Variants in FNBP1L observed in about 807,000 individuals in gnomAD.
FNBP1L encodes formin-binding protein 1-like.
A neutral mutation model predicts 91.2 loss-of-function variants in FNBP1L; 36 were observed. The observed-to-expected ratio is 0.39, with a 90% CI of 0.30 to 0.52. The LOEUF (loss-of-function observed/expected upper bound fraction) is 0.52, where lower values mean the gene tolerates loss of function less well. FNBP1L is among the 20% of genes least tolerant of loss of function. The pLI is 0.66. For synonymous variants in FNBP1L, 242 were observed against 237.0 expected, an observed-to-expected ratio of 1.02 and a Z score of -0.19; for missense variants, 571 against 732.1, an observed-to-expected ratio of 0.78 and a Z score of 2.54.
chr1:93,451,899 C>T (rs1668509064), intron 1 of FNBP1L, among the ~76,000 whole-genome samples: 1 of 152,184 alleles, frequency 6.6e-6, no homozygotes, highest in Non-Finnish European at 1.5e-5. Flanking sequence ...ATCCGCCCGC[C>T]TCGGCCTCTC....
rs778295707 is a variant in FNBP1L at position 93,463,100 on chromosome 1, GTT to G, written c.24+14797_24+14798del. Reference sequence around the variant, plus strand: ...GCTCAGATTATTTCAGCTTTTGACTGTTTGAGCTCTTTCGGTTGGCTTTTGTG... The same window carrying G: ...GCTCAGATTATTTCAGCTTTTGACTGTGAGCTCTTTCGGTTGGCTTTTGTG... On this transcript the variant is annotated intron_variant, in intron 1 of 16. Transcript: ENST00000271234. Among the ~76,000 whole-genome samples the G allele has an allele frequency of 2.0e-4, 30 of 152,178 alleles. 1 individual carries two copies. The East Asian group carries it at 3.3e-3, about 17-fold the overall frequency.
chr1:93,490,688 T>C (rs1387118369), intron 1 of FNBP1L, among the ~76,000 whole-genome samples: 1 of 152,158 alleles, frequency 6.6e-6, no homozygotes, highest in Admixed American at 6.5e-5. Context: ...GTAGAGAGAA[T>C]AGGGAAGTGA....
At chr1:93,549,449 G>T (rs1672337732) in intron 15 of FNBP1L, 23 bp downstream of exon 15, 3 of 1,513,030 alleles carry the variant, frequency 2.0e-6, no homozygotes, top group South Asian at 1.3e-5. Context: ...TAATAATATT[G>T]TATGTAAAAA....
chr1:93,512,131 G>C lies in FNBP1L; in HGVS notation c.141-9951G>C, dbSNP rs532459665. Among the ~76,000 whole-genome samples, 127 of 152,224 alleles carry C rather than the reference G, an allele frequency of 8.3e-4. 1 individual carries two copies. The highest frequency in any genetic ancestry group is 2.4e-3 in the African/African-American group (99 of 41,526). ...GGCAGGGGTTGCAATCCTAGTCTCTGATAAGACAGACTTTAAACCAACAAA... is the reference window on the plus strand; with the variant it reads ...GGCAGGGGTTGCAATCCTAGTCTCTCATAAGACAGACTTTAAACCAACAAA... On this transcript the variant is annotated intron_variant, in intron 2 of 16. Coordinates refer to ENST00000271234, the MANE Select transcript of FNBP1L (RefSeq NM_001164473.3).
chr1:93,505,573 T>C (rs1469497155), intron 2 of FNBP1L, among the ~76,000 whole-genome samples: 1 of 152,214 alleles, frequency 6.6e-6, no homozygotes, highest in Non-Finnish European at 1.5e-5. Flanking sequence ...TGGACCAGTA[T>C]AAGCACGCTA....
At chr1:93,476,411 A>G (rs1669496583) in intron 1 of FNBP1L, among the ~76,000 whole-genome samples, 2 of 152,234 alleles carry the variant, frequency 1.3e-5, no homozygotes, top group African/African-American at 4.8e-5. Context: ...CACTCAACAC[A>G]GTGCTTGGCA....
intron 2 of FNBP1L, among the ~76,000 whole-genome samples, chr1:93,509,417 C>T (rs566931674): frequency 3.9e-5 from 6 of 152,276 alleles, no homozygotes; most frequent in South Asian, 4.1e-4. Flanking sequence ...TTGGCCACGT[C>T]GTTCTACCAA....
At chr1:93,448,446 T>C (rs1668345760) in intron 1 of FNBP1L, 141 bp downstream of exon 1, 1 of 936,030 alleles carries the variant, frequency 1.1e-6, no homozygotes, top group Non-Finnish European at 1.5e-6. Context: ...GTCCCGCTCG[T>C]CTTTGTGTGC....
At chr1:93,506,997 C>G (rs532046791) in intron 2 of FNBP1L, among the ~76,000 whole-genome samples, 23 of 148,738 alleles carry the variant, frequency 1.5e-4, no homozygotes, top group Non-Finnish European at 2.8e-4. Flanking sequence ...ACTGAAGGAA[C>G]AACATTAATT....
chr1:93,510,331 C>T (rs1287045420), intron 2 of FNBP1L, among the ~76,000 whole-genome samples: 2 of 152,062 alleles, frequency 1.3e-5, no homozygotes, highest in African/African-American at 4.8e-5. Context: ...CTGGGAGGCA[C>T]CCCCCAGCAG....
intron 12 of FNBP1L, among the ~76,000 whole-genome samples, 158 bp from the exon 13 acceptor site, chr1:93,546,684 T>C (rs2101773963): frequency 6.6e-6 from 1 of 152,284 alleles, no homozygotes; most frequent in Non-Finnish European, 1.5e-5. Context: ...ATCACCTTTA[T>C]GCAAATTGTC....
At chr1:93,537,393 T>A (rs552065957) in intron 10 of FNBP1L, among the ~76,000 whole-genome samples, 1 of 152,098 alleles carries the variant, frequency 6.6e-6, no homozygotes, top group Non-Finnish European at 1.5e-5. Context: ...TCTCCTCTTT[T>A]CTCTCTTCTT....
Position 93,534,783 on chromosome 1 carries a change from C to CAT in FNBP1L, c.873_874dup (p.Arg292IlefsTer25). ...CTTTCCATTTGAAGATTACAGTCAA[C>CAT]ATATATATAGAACCATTTCTGATGG... On this transcript the variant is annotated frameshift_variant, in exon 9 of 17. Coordinates refer to ENST00000271234, the MANE Select transcript of FNBP1L (RefSeq NM_001164473.3). LOFTEE classifies it high-confidence loss of function. 2.5e-6 allele frequency: 4 copies of CAT among 1,570,696 alleles called. No homozygotes were observed. The highest frequency in any genetic ancestry group is 3.5e-6 in the Non-Finnish European group (4 of 1,156,118).
intron 2 of FNBP1L, among the ~76,000 whole-genome samples, chr1:93,510,541 AG>A (rs951703982): frequency 7.4e-4 from 112 of 152,328 alleles, no homozygotes; most frequent in African/African-American, 2.5e-3. Context: ...AACTCTAAAA[AG>A]CAGAGCGCCT....
At position 93,530,824 on chromosome 1, in the gene FNBP1L, C is replaced by G; in HGVS notation, c.580C>G (p.Gln194Glu). 6.4e-7 allele frequency: 1 copy of G among 1,567,414 alleles called. No homozygotes were observed. The highest frequency in any genetic ancestry group is 8.7e-7 in the Non-Finnish European group (1 of 1,154,060). The change falls in exon 7 of 17, where the codon CAA (glutamine) becomes GAA (glutamate). Residue 194 changes from glutamine (Q) to glutamate (E), a missense_variant. Gln to Glu is a conservative substitution (Grantham distance 29, BLOSUM62 2). Coordinates refer to ENST00000271234, the MANE Select transcript of FNBP1L (RefSeq NM_001164473.3). ...ENKNEYAAQLQNFNGEQHKHF... is the reference protein window; with the variant it reads ...ENKNEYAAQLENFNGEQHKHF... ...TAAAAATGAATATGCTGCACAATTA[C>G]AAAACTTTAATGGAGAACAACATAA...
intron 1 of FNBP1L, among the ~76,000 whole-genome samples, chr1:93,490,324 A>C (rs1191297072): frequency 6.6e-6 from 1 of 152,210 alleles, no homozygotes. Context: ...GTTGGTGCTG[A>C]TGCCAGCTTT....
At position 93,450,504 on chromosome 1, in the gene FNBP1L, A is replaced by G. The variant is rs1211155371; in HGVS notation, c.24+2199A>G. 3.3e-5 allele frequency among the ~76,000 whole-genome samples: 5 copies of G among 152,340 alleles called. No homozygotes were observed. In the East Asian group the frequency reaches 9.6e-4, roughly 29 times the overall value. Reference sequence around the variant, plus strand: ...AACTTAGATAAGCAGAACTTGGTGTAGAGGACTATTGTTGGGACTAGAAGA... The same window carrying G: ...AACTTAGATAAGCAGAACTTGGTGTGGAGGACTATTGTTGGGACTAGAAGA... On this transcript the variant is annotated intron_variant, in intron 1 of 16. Transcript: ENST00000271234.
At chr1:93,492,517 G>A (rs767011835) in intron 1 of FNBP1L, among the ~76,000 whole-genome samples, 3 of 152,124 alleles carry the variant, frequency 2.0e-5, no homozygotes, top group Non-Finnish European at 2.9e-5. Context: ...GTTGATACTG[G>A]TGTCTTGTCT....
At chr1:93,545,982 G>T (rs1384212563) in intron 12 of FNBP1L, among the ~76,000 whole-genome samples, 1 of 152,030 alleles carries the variant, frequency 6.6e-6, no homozygotes, top group Non-Finnish European at 1.5e-5. Flanking sequence ...TGTCCAGTTG[G>T]GTTTAAAGAT....
Sources: gnomAD v4.1 joint callset for allele counts (sites outside exome capture counted in the v4.1 genomes callset) on GRCh38, gnomAD v4.1.1 for gene constraint, MANE v1.5 for transcripts, NCBI Gene and HGNC (gene_info 2026-07-23, HGNC 2026-07-21) for gene names.